The following YAP1 variants were observed in gnomAD, a reference collection of about 807,000 sequenced individuals.
The protein encoded by YAP1 is transcriptional coactivator YAP1.
YAP1 carries 5 observed loss-of-function variants against 56.9 expected under a neutral mutation model. The observed-to-expected ratio is 0.09, with a 90% CI of 0.05 to 0.18. The LOEUF is 0.18. Among genes scored for constraint, YAP1 ranks in the 10% least tolerant of loss-of-function variants. The pLI is 1.00. For synonymous variants in YAP1, 265 were observed against 248.1 expected, an observed-to-expected ratio of 1.07 and a Z score of -0.64; for missense variants, 539 against 651.8, an observed-to-expected ratio of 0.83 and a Z score of 1.88.
At chr11:102,139,950 T>C (rs10895264) in intron 2 of YAP1, among the ~76,000 whole-genome samples, 87,953 of 151,946 alleles carry the variant, frequency 0.58, 26,381 homozygotes, top group South Asian at 0.75. Flanking sequence ...TTGGCTTATC[T>C]GAATTTGGCT....
chr11:102,202,586 G>A (rs1948927701), intron 4 of YAP1, among the ~76,000 whole-genome samples: 2 of 151,608 alleles, frequency 1.3e-5, no homozygotes, highest in Admixed American at 1.3e-4. Context: ...CATTTATTCT[G>A]TATCTTACCT....
intron 3 of YAP1, among the ~76,000 whole-genome samples, chr11:102,173,225 G>A (rs1209022660): frequency 6.6e-6 from 1 of 152,078 alleles, no homozygotes; most frequent in Non-Finnish European, 1.5e-5. Context: ...ACTAAGCCCT[G>A]GAACCTCTAA....
intron 4 of YAP1, among the ~76,000 whole-genome samples, chr11:102,194,090 C>T (rs1181502259): frequency 6.6e-6 from 1 of 152,160 alleles, no homozygotes; most frequent in African/African-American, 2.4e-5. Context: ...CAGGCGTGAG[C>T]CACCGTGCCA....
At chr11:102,192,745 T>G (rs1370402453) in intron 4 of YAP1, among the ~76,000 whole-genome samples, 1 of 152,254 alleles carries the variant, frequency 6.6e-6, no homozygotes, top group African/African-American at 2.4e-5. Context: ...CCTTTTTGAT[T>G]TGAGTGCATT....
chr11:102,177,944 T>C (rs1229273350), intron 3 of YAP1, among the ~76,000 whole-genome samples: 1 of 152,160 alleles, frequency 6.6e-6, no homozygotes, highest in Non-Finnish European at 1.5e-5. Context: ...TGTGGTGTAG[T>C]ATTCAAGAGC....
At position 102,110,786 on chromosome 11, in the gene YAP1, G is replaced by A; in HGVS notation, c.-63G>A. ...TCTCCACCTCGGCCCGTGGAGCCGGGGCGTCCGGGCGTAGCCCTCGCTCGC... is the reference window on the plus strand; with the variant it reads ...TCTCCACCTCGGCCCGTGGAGCCGGAGCGTCCGGGCGTAGCCCTCGCTCGC... On this transcript the variant is annotated 5_prime_UTR_variant, in exon 1 of 9. Coordinates refer to ENST00000282441, the MANE Select transcript of YAP1 (RefSeq NM_001130145.3). 1 of 1,268,362 alleles carries A rather than the reference G, an allele frequency of 7.9e-7. No individual in the cohort carries two copies. Among genetic ancestry groups the A allele is most frequent in the Non-Finnish European group, 9.9e-7 (1 of 1,008,974 alleles). 78.6% of individuals were successfully genotyped at this position (1,268,362 alleles called of 1,614,324 possible).
chr11:102,111,557 C>T (rs1479018271), intron 1 of YAP1, among the ~76,000 whole-genome samples: 1 of 149,576 alleles, frequency 6.7e-6, no homozygotes, highest in Admixed American at 6.6e-5. Context: ...TTGCACAATG[C>T]GCGCGCCTCC....
chr11:102,195,262 A>T (rs577711269), intron 4 of YAP1, among the ~76,000 whole-genome samples: 6 of 152,162 alleles, frequency 3.9e-5, no homozygotes, highest in Non-Finnish European at 4.4e-5. Context: ...TGAGGAGAAA[A>T]TGTTCTGCTG....
chr11:102,123,191 G>A (rs968837774), intron 2 of YAP1, among the ~76,000 whole-genome samples: 2 of 152,106 alleles, frequency 1.3e-5, no homozygotes, highest in African/African-American at 4.8e-5. Context: ...GTCATATAAT[G>A]TACTATGATT....
intron 4 of YAP1, among the ~76,000 whole-genome samples, chr11:102,187,907 G>C (rs557165652): frequency 1.3e-5 from 2 of 152,218 alleles, no homozygotes; most frequent in African/African-American, 4.8e-5. Context: ...CCCTTTTTGG[G>C]CCCACCGTGT....
intron 4 of YAP1, among the ~76,000 whole-genome samples, chr11:102,195,274 A>G (rs925812057): frequency 6.6e-6 from 1 of 152,038 alleles, no homozygotes; most frequent in Non-Finnish European, 1.5e-5. Flanking sequence ...GTTCTGCTGG[A>G]TTTCTTTTTG....
chr11:102,178,848 G>C (rs1947418771), intron 3 of YAP1, among the ~76,000 whole-genome samples: 1 of 152,176 alleles, frequency 6.6e-6, no homozygotes, highest in African/African-American at 2.4e-5. Flanking sequence ...GAAGCATGGT[G>C]CCAGCGTCTG....
At chr11:102,177,224 C>T (rs1197850203) in intron 3 of YAP1, among the ~76,000 whole-genome samples, 4 of 152,090 alleles carry the variant, frequency 2.6e-5, no homozygotes, top group Non-Finnish European at 5.9e-5. Context: ...TGGATGCTTT[C>T]AGTACCGAAG....
At chr11:102,142,274 C>A (rs1945066331) in intron 2 of YAP1, among the ~76,000 whole-genome samples, 1 of 152,080 alleles carries the variant, frequency 6.6e-6, no homozygotes, top group East Asian at 1.9e-4. Context: ...AGAGGGCCAA[C>A]CTTTCTAGAG....
chr11:102,155,210 A>AT (rs1287255100), intron 2 of YAP1, among the ~76,000 whole-genome samples: 1 of 152,212 alleles, frequency 6.6e-6, no homozygotes, highest in African/African-American at 2.4e-5. Flanking sequence ...AGTTACCTAA[A>AT]TAACATTTCC....
intron 2 of YAP1, among the ~76,000 whole-genome samples, chr11:102,122,511 G>A (rs1161913928): frequency 6.6e-6 from 1 of 152,144 alleles, no homozygotes; most frequent in Non-Finnish European, 1.5e-5. Context: ...TTCATAGCCT[G>A]TGTGTAAACG....
intron 2 of YAP1, among the ~76,000 whole-genome samples, chr11:102,122,657 G>T (rs991713827): frequency 6.6e-6 from 1 of 152,048 alleles, no homozygotes; most frequent in Non-Finnish European, 1.5e-5. Flanking sequence ...ACTTCGGAAG[G>T]CCAAGGCGGG....
At chr11:102,149,977 CTTTTTTTTTTTTT>C (rs386374692) in intron 2 of YAP1, among the ~76,000 whole-genome samples, 2 of 50,290 alleles carry the variant, frequency 4.0e-5, no homozygotes, top group African/African-American at 7.5e-5. Context: ...GAGTAGTGTG[CTTTTTTTTTTTTT>C]TTTTTTTTTT....
chr11:102,227,383 T>C (rs1304467912), intron 7 of YAP1, 86 bp from the exon 8 acceptor site: 2 of 877,276 alleles, frequency 2.3e-6, no homozygotes, highest in East Asian at 2.6e-5. Context: ...TTGAGAATTA[T>C]GTTGCTGCTC....
Sources: gnomAD v4.1 joint callset for allele counts (sites outside exome capture counted in the v4.1 genomes callset) on GRCh38, gnomAD v4.1.1 for gene constraint, MANE v1.5 for transcripts, NCBI Gene and HGNC (gene_info 2026-07-23, HGNC 2026-07-21) for gene names.